The following SCN7A variants were observed in gnomAD, a reference collection of about 807,000 sequenced individuals.
SCN7A encodes the protein sodium channel protein type 7 subunit alpha.
A neutral mutation model predicts 155.2 loss-of-function variants in SCN7A; 138 were observed. That is an observed-to-expected ratio of 0.89 (90% CI 0.77 to 1.02). The LOEUF is 1.02. SCN7A is among the 50% of genes least tolerant of loss of function. The pLI, the probability that SCN7A is intolerant of heterozygous loss-of-function variation, is 0.00. For synonymous variants in SCN7A, 693 were observed against 649.0 expected (o/e 1.07, Z -1.03); for missense variants, 2,058 against 1,986.6 (o/e 1.04, Z -0.68).
chr2:166,424,343 A>G (rs745486511), intron 18 of SCN7A, among the ~76,000 whole-genome samples: 2 of 152,110 alleles, frequency 1.3e-5, no homozygotes, highest in Non-Finnish European at 2.9e-5. Flanking sequence ...GCATGGGTAG[A>G]GTAGATTTTA....
chr2:166,414,116 T>C (rs1575003140), intron 21 of SCN7A, among the ~76,000 whole-genome samples: 2 of 87,260 alleles, frequency 2.3e-5, no homozygotes, highest in South Asian at 5.7e-4. Flanking sequence ...TATATAAATA[T>C]ATATAATATA....
At chr2:166,460,546 G>A (rs1182087990) in intron 10 of SCN7A, among the ~76,000 whole-genome samples, 1 of 152,074 alleles carries the variant, frequency 6.6e-6, no homozygotes, top group African/African-American at 2.4e-5. Context: ...AAAGTATAGT[G>A]AACCATAGCA....
At chr2:166,478,003 C>A (rs1029802623) in intron 2 of SCN7A, among the ~76,000 whole-genome samples, 2 of 151,716 alleles carry the variant, frequency 1.3e-5, no homozygotes, top group African/African-American at 4.8e-5. Context: ...TTAGAAAGAT[C>A]TTTTTTGCTA....
chr2:166,447,843 C>T (rs1276604218), intron 11 of SCN7A, 135 bp from the exon 12 acceptor site: 1 of 648,626 alleles, frequency 1.5e-6, no homozygotes, highest in Admixed American at 3.2e-5. Flanking sequence ...GATACATAAT[C>T]ATTGTACATA....
chr2:166,423,146 A>T, intron 19 of SCN7A, 113 bp downstream of exon 19: 1 of 1,019,160 alleles, frequency 9.8e-7, no homozygotes, highest in South Asian at 1.6e-5. Flanking sequence ...ATGTACCAAC[A>T]ATGTAGAGAG....
intron 1 of SCN7A, among the ~76,000 whole-genome samples, chr2:166,493,750 T>C (rs556915496): frequency 2.0e-5 from 3 of 152,352 alleles, no homozygotes; most frequent in African/African-American, 7.2e-5. Flanking sequence ...TGACGGCACA[T>C]GCCATGCAAA....
At chr2:166,479,649 T>C (rs1184795384) in intron 2 of SCN7A, among the ~76,000 whole-genome samples, 1 of 152,100 alleles carries the variant, frequency 6.6e-6, no homozygotes, top group Non-Finnish European at 1.5e-5. Flanking sequence ...GTTTTTCAGT[T>C]TAAGTTCTGA....
intron 21 of SCN7A, 54 bp downstream of exon 21, chr2:166,416,653 C>T (rs1039498295): frequency 6.9e-7 from 1 of 1,450,438 alleles, no homozygotes; most frequent in African/African-American, 1.4e-5. Flanking sequence ...TTGCATTCAA[C>T]CTACAATATG....
In SCN7A at chr2:166,470,600, A is replaced by G; in HGVS notation, c.664+15T>C. On this transcript the variant is annotated intron_variant, in intron 7 of 25. Coordinates refer to ENST00000643258, the MANE Select transcript of SCN7A (RefSeq NM_002976.4). ...AAAACAAAATGAAGAAAAGACATTC[A>G]ATGCAATTTCTTACCTTGATTTAAA... is the stretch of plus-strand genomic sequence containing the variant. The G allele has an allele frequency of 6.3e-7, 1 of 1,585,696 alleles. No homozygotes were observed. The highest frequency in any genetic ancestry group is 8.6e-7 in the Non-Finnish European group (1 of 1,162,490).
chr2:166,461,048 C>CTTTTTTTTTTT (rs34717897), intron 10 of SCN7A, among the ~76,000 whole-genome samples: 1 of 96,704 alleles, frequency 1.0e-5, no homozygotes, highest in Non-Finnish European at 2.0e-5. Context: ...GTAATATTTT[C>CTTTTTTTTTTT]TTTTTTTTTT....
At chr2:166,447,483 T>C in intron 12 of SCN7A, 129 bp downstream of exon 12, 1 of 593,860 alleles carries the variant, frequency 1.7e-6, no homozygotes, top group South Asian at 2.4e-5. Context: ...TTTATCCTAA[T>C]ATTCTCAAAT....
intron 11 of SCN7A, among the ~76,000 whole-genome samples, chr2:166,451,110 G>A (rs575199228): frequency 6.6e-6 from 1 of 152,200 alleles, no homozygotes; most frequent in African/African-American, 2.4e-5. Context: ...TGTTGGAATC[G>A]CATTAAGAAG....
At chr2:166,452,024 T>C (rs1298110117) in intron 11 of SCN7A, among the ~76,000 whole-genome samples, 1 of 152,150 alleles carries the variant, frequency 6.6e-6, no homozygotes, top group Non-Finnish European at 1.5e-5. Flanking sequence ...AAATTAGTAA[T>C]TCCTTAATAC....
intron 11 of SCN7A, 112 bp downstream of exon 11, chr2:166,456,758 G>A (rs1392681422): frequency 5.8e-6 from 3 of 513,248 alleles, no homozygotes; most frequent in Non-Finnish European, 9.1e-6. Flanking sequence ...CAGAGCCTAA[G>A]CCATAGAATC....
chr2:166,448,471 T>C (rs1315766154), intron 11 of SCN7A, among the ~76,000 whole-genome samples: 3 of 152,164 alleles, frequency 2.0e-5, no homozygotes, highest in Admixed American at 2.0e-4. Context: ...GTACATACCC[T>C]GCAGTGGGAT....
chr2:166,414,223 A>T (rs1386709009), intron 21 of SCN7A, among the ~76,000 whole-genome samples: 1 of 90,710 alleles, frequency 1.1e-5, no homozygotes, highest in Non-Finnish European at 2.0e-5. Flanking sequence ...AATATATATA[A>T]ATATATATAT....
chr2:166,415,681 T>G (rs117580709), intron 21 of SCN7A, among the ~76,000 whole-genome samples: 2 of 152,172 alleles, frequency 1.3e-5, no homozygotes, highest in African/African-American at 4.8e-5. Flanking sequence ...TACTTTCTTA[T>G]GACTGTCTTA....
intron 2 of SCN7A, among the ~76,000 whole-genome samples, chr2:166,483,860 C>T (rs1223763610): frequency 6.6e-6 from 1 of 151,822 alleles, no homozygotes; most frequent in Non-Finnish European, 1.5e-5. Context: ...AATTTAGGTA[C>T]TCAAATCTGT....
At chr2:166,430,983 A>G (rs1172092665) in intron 16 of SCN7A, among the ~76,000 whole-genome samples, 1 of 152,080 alleles carries the variant, frequency 6.6e-6, no homozygotes, top group Non-Finnish European at 1.5e-5. Context: ...AACCAGCAAG[A>G]CCAAATAACT....
Sources: gnomAD v4.1 joint callset for allele counts (sites outside exome capture counted in the v4.1 genomes callset) on GRCh38, gnomAD v4.1.1 for gene constraint, MANE v1.5 for transcripts, NCBI Gene and HGNC (gene_info 2026-07-23, HGNC 2026-07-21) for gene names.